RIMS2: variants seen among roughly 807,000 people sequenced by gnomAD.
RIMS2 encodes regulating synaptic membrane exocytosis protein 2.
A neutral mutation model predicts 174.4 loss-of-function variants in RIMS2; 59 were observed. The observed-to-expected ratio is 0.34, with a 90% CI of 0.27 to 0.42. The LOEUF is 0.42. Ranked by LOEUF, RIMS2 falls within the 10% of genes least tolerant of loss-of-function variation. The pLI, the probability that RIMS2 is intolerant of heterozygous loss-of-function variation, is 1.00. For missense variants in RIMS2, 1,620 were observed against 1,666.3 expected (o/e 0.97, Z 0.48); for synonymous variants, 606 against 572.5 (o/e 1.06, Z -0.84).
chr8:103,596,003 G>A (rs1375019595), intron 1 of RIMS2, among the ~76,000 whole-genome samples: 1 of 151,810 alleles, frequency 6.6e-6, no homozygotes. Flanking sequence ...CTAATTCATG[G>A]ATTGTAGGGC....
chr8:103,583,221 T>G (rs2093713896), intron 1 of RIMS2, among the ~76,000 whole-genome samples: 1 of 152,210 alleles, frequency 6.6e-6, no homozygotes, highest in Non-Finnish European at 1.5e-5. Context: ...AACCACAGTG[T>G]TACTGGGCTT....
At chr8:103,608,466 A>G (rs1029953993) in intron 1 of RIMS2, among the ~76,000 whole-genome samples, 1 of 144,378 alleles carries the variant, frequency 6.9e-6, no homozygotes, top group Non-Finnish European at 1.5e-5. Flanking sequence ...CCCTGCCCCC[A>G]GAGGTGGAGC....
intron 16 of RIMS2, among the ~76,000 whole-genome samples, chr8:103,977,722 C>T (rs1269933782): frequency 6.6e-6 from 1 of 152,194 alleles, no homozygotes; most frequent in African/African-American, 2.4e-5. Context: ...TGTGACCTAT[C>T]CAGTTATAAA....
chr8:104,045,730 A>G (rs1450298545), intron 19 of RIMS2, among the ~76,000 whole-genome samples: 1 of 151,858 alleles, frequency 6.6e-6, no homozygotes, highest in African/African-American at 2.4e-5. Context: ...TTATTAAATT[A>G]TTATTACAGT....
chr8:103,760,357 T>C (rs1213223135), intron 2 of RIMS2, among the ~76,000 whole-genome samples: 1 of 152,228 alleles, frequency 6.6e-6, no homozygotes, highest in Non-Finnish European at 1.5e-5. Flanking sequence ...AAATTTCTGA[T>C]TTTTGTTTTG....
At chr8:104,027,629 A>G (rs1224256014) in intron 19 of RIMS2, among the ~76,000 whole-genome samples, 1 of 152,108 alleles carries the variant, frequency 6.6e-6, no homozygotes, top group African/African-American at 2.4e-5. Flanking sequence ...CTGCTTTACA[A>G]TGTACTAACT....
At chr8:104,077,332 C>T (rs1241941629) in intron 19 of RIMS2, among the ~76,000 whole-genome samples, 1 of 151,336 alleles carries the variant, frequency 6.6e-6, no homozygotes, top group East Asian at 2.0e-4. Context: ...CTTGGGGGTT[C>T]CAGTGTATAT....
intron 19 of RIMS2, among the ~76,000 whole-genome samples, chr8:104,017,725 A>G (rs1455764181): frequency 6.6e-6 from 1 of 152,162 alleles, no homozygotes; most frequent in African/African-American, 2.4e-5. Flanking sequence ...GTGATAATTA[A>G]CCAGTAAATT....
At chr8:104,017,139 T>G (rs989717313) in intron 19 of RIMS2, among the ~76,000 whole-genome samples, 7 of 151,942 alleles carry the variant, frequency 4.6e-5, no homozygotes, top group Non-Finnish European at 7.4e-5. Context: ...AATTTTTTTT[T>G]TAGTTTTAAA....
chr8:103,670,197 C>T (rs1393361867), intron 1 of RIMS2, among the ~76,000 whole-genome samples: 1 of 152,216 alleles, frequency 6.6e-6, no homozygotes, highest in Non-Finnish European at 1.5e-5. Context: ...TACCTTGGCC[C>T]TTTTTAAACA....
intron 2 of RIMS2, among the ~76,000 whole-genome samples, chr8:103,737,151 CCTTTT>C (rs949270973): frequency 6.9e-6 from 1 of 144,624 alleles, no homozygotes; most frequent in Non-Finnish European, 1.5e-5. Flanking sequence ...CATAATTTTT[CCTTTT>C]CTTTTCTTTT....
At chr8:103,755,227 T>G (rs1159838409) in intron 2 of RIMS2, among the ~76,000 whole-genome samples, 1 of 152,178 alleles carries the variant, frequency 6.6e-6, no homozygotes, top group Non-Finnish European at 1.5e-5. Context: ...GGTTGGAGAA[T>G]CTTTTCTTTA....
intron 17 of RIMS2, among the ~76,000 whole-genome samples, chr8:104,008,705 C>T (rs182904416): frequency 2.0e-4 from 31 of 151,862 alleles, no homozygotes; most frequent in African/African-American, 3.1e-4. Context: ...TTTTTTTCTA[C>T]GTGAATGGTG....
At chr8:104,068,527 A>C (rs746081418) in intron 19 of RIMS2, 1 of 1,517,714 alleles carries the variant, frequency 6.6e-7, no homozygotes, top group Non-Finnish European at 9.0e-7. Context: ...ATGGATATAG[A>C]GGAGAGAAAT....
intron 3 of RIMS2, among the ~76,000 whole-genome samples, chr8:103,848,668 G>GT (rs565363697): frequency 1.3e-5 from 2 of 152,014 alleles, no homozygotes; most frequent in African/African-American, 4.8e-5. Flanking sequence ...ATGGGTTTAT[G>GT]TTGTTCTACC....
chr8:103,674,786 T>G (rs2096786942), intron 1 of RIMS2, among the ~76,000 whole-genome samples: 1 of 152,122 alleles, frequency 6.6e-6, no homozygotes, highest in East Asian at 1.9e-4. Context: ...TGAAAATGAT[T>G]TTATGATTTT....
intron 3 of RIMS2, among the ~76,000 whole-genome samples, chr8:103,770,087 G>C (rs139140071): frequency 1.3e-5 from 2 of 152,246 alleles, no homozygotes; most frequent in Non-Finnish European, 2.9e-5. Context: ...CCAGTATTGA[G>C]TCCTTTGAAT....
rs967733973 is a variant in RIMS2, at chr8:103,575,728, T to C, written c.176+74666T>C. ...CATACAGCACTGAGATTATCACCAG[T>C]AATATCCCAGAATTCAAATATGAGG... is the stretch of plus-strand genomic sequence containing the variant. On this transcript the variant is annotated intron_variant, in intron 1 of 23. Coordinates refer to ENST00000504942, the Ensembl canonical transcript of RIMS2. Among the ~76,000 whole-genome samples the C allele has an allele frequency of 2.0e-5, 3 of 149,704 alleles. No individual in the cohort carries two copies. The East Asian group carries it at 6.1e-4, about 30-fold the overall frequency.
chr8:103,672,650 A>T (rs771157353), intron 1 of RIMS2, among the ~76,000 whole-genome samples: 1 of 152,012 alleles, frequency 6.6e-6, no homozygotes, highest in African/African-American at 2.4e-5. Flanking sequence ...GCCATGAGGG[A>T]TCTAGCCCCA....
Sources: allele counts gnomAD v4.1 joint callset (sites outside exome capture counted in the v4.1 genomes callset), GRCh38; gene constraint gnomAD v4.1.1; transcripts MANE v1.5; gene names NCBI Gene and HGNC (gene_info 2026-07-23, HGNC 2026-07-21).